Variants in MTG1 observed in about 807,000 individuals in gnomAD.
MTG1 encodes the protein mitochondrial ribosome associated GTPase 1.
MTG1 carries 30 observed loss-of-function variants against 39.5 expected under a neutral mutation model. The ratio of observed to expected loss-of-function variants is 0.76; its 90% confidence interval spans 0.57 to 1.03. The LOEUF is 1.03. Among genes scored for constraint, MTG1 ranks in the 50% least tolerant of loss-of-function variants. The pLI is 0.00. For missense variants in MTG1, 513 were observed against 447.4 expected, an observed-to-expected ratio of 1.15 and a Z score of -1.32; for synonymous variants, 217 against 179.0, an observed-to-expected ratio of 1.21 and a Z score of -1.69.
chr10:133,419,592 GGTGA>G lies in MTG1; in HGVS notation c.865+6_865+9del. On this transcript the variant is annotated splice_donor_variant and splice_donor_region_variant and intron_variant, in intron 10 of 10. Transcript: ENST00000317502. LOFTEE classifies it high-confidence loss of function. ...GAAGGTGAAGGTGCTCACGGGCACG[GGTGA>G]GTGAGGTCGCTGATGCGGGCACCGG... 1 of 1,596,212 alleles carries G rather than the reference GGTGA, an allele frequency of 6.3e-7. No homozygotes were observed. Among genetic ancestry groups the G allele is most frequent in the Non-Finnish European group, 8.5e-7 (1 of 1,171,838 alleles).
chr10:133,402,569 A>G lies in MTG1; in HGVS notation c.671-123A>G. The G allele has an allele frequency of 2.2e-6, 2 of 898,400 alleles. No homozygotes were observed. The highest frequency in any genetic ancestry group is 3.4e-6 in the Non-Finnish European group (2 of 582,948). 55.7% of individuals were successfully genotyped at this position (898,400 alleles called of 1,614,324 possible). On this transcript the variant is annotated intron_variant, in intron 8 of 10. Coordinates refer to ENST00000317502, the MANE Select transcript of MTG1 (RefSeq NM_138384.4). The surrounding 1 kb of genome is among the most constrained non-coding windows in gnomAD (Gnocchi z 4.7). The stretch of plus-strand genomic sequence containing the variant: ...CGTCCTCTTGGTTAGTGTCTTTGTC[A>G]GTGGCTGGCCTCTTCCTCACGGCAC...
chr10:133,419,835 G>C (rs144616651), intron 10 of MTG1, among the ~76,000 whole-genome samples, 191 bp from the exon 11 acceptor site: 1,524 of 152,308 alleles, frequency 0.01, 20 homozygotes, highest in African/African-American at 0.032. Context: ...GACACCTGCA[G>C]GCCTCACATG....
intron 9 of MTG1, among the ~76,000 whole-genome samples, chr10:133,417,844 A>C (rs1331992273): frequency 2.0e-5 from 3 of 152,232 alleles, no homozygotes; most frequent in Admixed American, 6.5e-5. Context: ...TTCAAGGAGA[A>C]CTACAAACCA....
chr10:133,401,601 C>T lies in MTG1; in HGVS notation c.573+11C>T, dbSNP rs1849877313. ...ATGTCCAAAATTCAGGTGGAGTCCT[C>T]AGGGGCCAGGCCCAGCACTCTGTCA... On this transcript the variant is annotated intron_variant, in intron 7 of 10. Coordinates refer to ENST00000317502, the MANE Select transcript of MTG1 (RefSeq NM_138384.4). 1.2e-6 allele frequency: 2 copies of T among 1,613,586 alleles called. No individual in the cohort carries two copies. Among genetic ancestry groups the T allele is most frequent in the South Asian group, 2.2e-5 (2 of 91,044 alleles).
Position 133,394,759 on chromosome 10 carries a change from G to A in MTG1, c.112+427G>A, listed in dbSNP as rs1172728574. On this transcript the variant is annotated intron_variant, in intron 1 of 10. Transcript: ENST00000317502. ...GAAGGCACCTGTTCAGTTTTAACTG[G>A]TATCTTGAGTCGTTCTCCTGCTTAA... The A allele has an allele frequency of 6.0e-6, 6 of 992,098 alleles. No homozygotes were observed. The African/African-American group carries it at 1.0e-4, about 17-fold the overall frequency. 61.5% of individuals were successfully genotyped at this position (992,098 alleles called of 1,614,324 possible).
At chr10:133,397,837 A>G (rs536104018) in intron 3 of MTG1, among the ~76,000 whole-genome samples, 6 of 149,296 alleles carry the variant, frequency 4.0e-5, no homozygotes, top group African/African-American at 1.2e-4. Flanking sequence ...CTTTTACGTC[A>G]TATCAGTGGC....
At chr10:133,396,335 G>C in intron 3 of MTG1, 68 bp downstream of exon 3, 1 of 1,372,880 alleles carries the variant, frequency 7.3e-7, no homozygotes, top group Non-Finnish European at 1.0e-6. Flanking sequence ...TTGTTCTAAC[G>C]GAAGAGTTGC....
At chr10:133,413,723 G>A (rs1311057446) in intron 9 of MTG1, among the ~76,000 whole-genome samples, 1 of 151,934 alleles carries the variant, frequency 6.6e-6, no homozygotes, top group Non-Finnish European at 1.5e-5. Flanking sequence ...ATGCATTTCT[G>A]TTTTTCTTAT....
Position 133,402,723 on chromosome 10 carries a change from G to T in MTG1, c.702G>T (p.Glu234Asp), listed in dbSNP as rs932780484. ...TGCTGGACCACCTGGTCGGGGAGGAGACCATGGCTGACTACCTGCTGTACA... is the reference window on the plus strand; with the variant it reads ...TGCTGGACCACCTGGTCGGGGAGGATACCATGGCTGACTACCTGCTGTACA... Reference protein sequence around the residue: ...GTVLDHLVGEETMADYLLYTL... With the variant: ...GTVLDHLVGEDTMADYLLYTL... Residue 234 changes from glutamate to aspartate, a missense_variant, in exon 9 of 11, where the codon GAG (glutamate) becomes GAT (aspartate). By Grantham distance (45) the Glu-to-Asp change is conservative (BLOSUM62 2). Transcript: ENST00000317502. The surrounding 1 kb of genome is among the most constrained non-coding windows in gnomAD (Gnocchi z 4.7). 6.2e-7 allele frequency: 1 copy of T among 1,608,466 alleles called. No homozygotes were observed. The highest frequency in any genetic ancestry group is 1.3e-5 in the African/African-American group (1 of 74,826).
intron 7 of MTG1, 23 bp downstream of exon 7, chr10:133,401,613 C>A: frequency 6.2e-7 from 1 of 1,612,984 alleles, no homozygotes; most frequent in South Asian, 1.1e-5. Flanking sequence ...GGGGCCAGGC[C>A]CAGCACTCTG....
chr10:133,413,252 A>C (rs1008859016), intron 9 of MTG1, among the ~76,000 whole-genome samples: 16 of 152,300 alleles, frequency 1.1e-4, no homozygotes, highest in African/African-American at 1.9e-4. Context: ...CTGGGATTAC[A>C]GGCGCCTGCC....
At chr10:133,411,309 T>C (rs1850042647) in intron 9 of MTG1, among the ~76,000 whole-genome samples, 1 of 152,210 alleles carries the variant, frequency 6.6e-6, no homozygotes, top group South Asian at 2.1e-4. Flanking sequence ...ATTGGAGCTC[T>C]TTTATAAATA....
chr10:133,396,114 T>A (rs201904630), intron 2 of MTG1, 49 bp from the exon 3 acceptor site: 78 of 1,557,176 alleles, frequency 5.0e-5, no homozygotes, highest in Non-Finnish European at 6.2e-5. Context: ...AGAAAAAAAG[T>A]TGGTTGGCTG....
chr10:133,396,245 T>C lies in MTG1; in HGVS notation c.260T>C (p.Leu87Ser), dbSNP rs1262693235. 1.2e-6 allele frequency: 2 copies of C among 1,614,042 alleles called. No homozygotes were observed. The highest frequency in any genetic ancestry group is 1.7e-5 in the Admixed American group (1 of 60,010). ...TTGCTGGTCCTCAACAAGATGGACT[T>C]GGCGGATCTTACAGAGCAGCAGGTA... ...PHLLVLNKMDLADLTEQQKIM... is the reference protein window; with the variant it reads ...PHLLVLNKMDSADLTEQQKIM... The change falls in exon 3 of 11, where the codon TTG (leucine) becomes TCG (serine). Residue 87 changes from leucine (L) to serine (S), a missense_variant. Coordinates refer to ENST00000317502, the MANE Select transcript of MTG1 (RefSeq NM_138384.4).
intron 9 of MTG1, among the ~76,000 whole-genome samples, chr10:133,414,611 C>T (rs192967429): frequency 0.072 from 10,886 of 151,292 alleles, 406 homozygotes; most frequent in Middle Eastern, 0.13. Flanking sequence ...GATGGGATGG[C>T]GGCCGGGAAG....
chr10:133,395,416 T>C (rs1437872166), intron 1 of MTG1, among the ~76,000 whole-genome samples: 2 of 152,116 alleles, frequency 1.3e-5, no homozygotes, highest in Non-Finnish European at 2.9e-5. Flanking sequence ...AAGCGACCCA[T>C]GCACGTTAAA....
At chr10:133,397,068 G>A (rs1168298600) in intron 3 of MTG1, among the ~76,000 whole-genome samples, 1 of 152,240 alleles carries the variant, frequency 6.6e-6, no homozygotes, top group African/African-American at 2.4e-5. Flanking sequence ...GTTATCCGGA[G>A]GCTTAACTGT....
chr10:133,402,722 A>G lies in MTG1; in HGVS notation c.701A>G (p.Glu234Gly). 1 of 1,608,604 alleles carries G rather than the reference A, an allele frequency of 6.2e-7. No homozygotes were observed. Among genetic ancestry groups the G allele is most frequent in the East Asian group, 2.2e-5 (1 of 44,776 alleles). The change falls in exon 9 of 11, where the codon GAG becomes GGG. Residue 234 changes from glutamate to glycine, a missense_variant. Glu to Gly is a moderately conservative substitution (Grantham distance 98). Coordinates refer to ENST00000317502, the MANE Select transcript of MTG1 (RefSeq NM_138384.4). This position sits in a 1 kb window ranked among gnomAD's most constrained non-coding sequence, Gnocchi z 4.7. Reference sequence around the variant, plus strand: ...GTGCTGGACCACCTGGTCGGGGAGGAGACCATGGCTGACTACCTGCTGTAC... The same window carrying G: ...GTGCTGGACCACCTGGTCGGGGAGGGGACCATGGCTGACTACCTGCTGTAC... ...GTVLDHLVGE[E>G]TMADYLLYTL...
In MTG1 at chr10:133,396,575, C is replaced by T. The variant is rs543029028; in HGVS notation, c.282+308C>T. On this transcript the variant is annotated intron_variant, in intron 3 of 10. Coordinates refer to ENST00000317502, the MANE Select transcript of MTG1 (RefSeq NM_138384.4). ...TGTGGGCAGCAAGCCACCCAGGTGCCGAGGCAAGAGACCGAGGACACGAGC... is the reference window on the plus strand; with the variant it reads ...TGTGGGCAGCAAGCCACCCAGGTGCTGAGGCAAGAGACCGAGGACACGAGC... 3.9e-5 allele frequency among the ~76,000 whole-genome samples: 6 copies of T among 152,000 alleles called. 1 individual carries two copies. The highest frequency in any genetic ancestry group is 4.2e-4 in the South Asian group (2 of 4,812).
Sources: gnomAD v4.1 joint callset for allele counts (sites outside exome capture counted in the v4.1 genomes callset) on GRCh38, gnomAD v4.1.1 for gene constraint, Gnocchi (gnomAD v3.1) non-coding constraint, MANE v1.5 for transcripts, NCBI Gene and HGNC (gene_info 2026-07-23, HGNC 2026-07-21) for gene names.